MCM9: variants seen among roughly 807,000 people sequenced by gnomAD.
MCM9 encodes the protein minichromosome maintenance 9 homologous recombination repair factor, also known as DNA helicase MCM9.
In MCM9, 55 loss-of-function variants were observed where a neutral mutation model predicts 72.8. The observed-to-expected ratio is 0.76, with a 90% CI of 0.61 to 0.95. The LOEUF (loss-of-function observed/expected upper bound fraction) is 0.95. MCM9 is among the 40% of genes least tolerant of loss of function. The pLI is 0.00. For missense variants in MCM9, 1,279 were observed against 1,377.0 expected (o/e 0.93, Z 1.13); for synonymous variants, 480 against 503.4 (o/e 0.95, Z 0.62).
chr6:118,904,931 C>T (rs904628945), intron 8 of MCM9, among the ~76,000 whole-genome samples: 5 of 152,086 alleles, frequency 3.3e-5, no homozygotes, highest in African/African-American at 4.8e-5. Flanking sequence ...TCCACCTCCT[C>T]GGTTCAAGTG....
intron 8 of MCM9, among the ~76,000 whole-genome samples, chr6:118,860,904 C>A (rs1776858320): frequency 6.6e-6 from 1 of 152,166 alleles, no homozygotes; most frequent in African/African-American, 2.4e-5. Context: ...TGTCGCTTTG[C>A]CAGCTGGAAA....
intron 8 of MCM9, among the ~76,000 whole-genome samples, chr6:118,893,653 C>G (rs1443980765): frequency 7.9e-5 from 12 of 152,132 alleles, no homozygotes; most frequent in African/African-American, 2.9e-4. Context: ...TCCTTTCGAG[C>G]TGACATCGGT....
chr6:118,818,233 G>A (rs571297605), intron 13 of MCM9, among the ~76,000 whole-genome samples: 2 of 152,262 alleles, frequency 1.3e-5, no homozygotes, highest in African/African-American at 4.8e-5. Context: ...TACTGCCTAG[G>A]TTTTCTTCTA....
Position 118,814,875 on chromosome 6 carries a change from ACCTAGT to A in MCM9, c.3375_3380del (p.Glu1125_Gly1127delinsAsp), listed in dbSNP as rs1377627373. ...CCCAGTCACAATCAAATGCTTCATC[ACCTAGT>A]TCTGGTAAAGTGAAGAGGGATTCTT... On this transcript the variant is annotated inframe_deletion, in exon 14 of 14. Transcript: ENST00000619706. 3.2e-6 allele frequency: 5 copies of A among 1,541,272 alleles called. No individual in the cohort carries two copies. Among genetic ancestry groups the A allele is most frequent in the Admixed American group, 4.1e-5 (2 of 48,802 alleles).
At chr6:118,873,217 GGGAAAGGGAAGGGGAA>G (rs1777725775) in intron 8 of MCM9, among the ~76,000 whole-genome samples, 1 of 82,806 alleles carries the variant, frequency 1.2e-5, no homozygotes, top group Non-Finnish European at 2.5e-5. Context: ...GGGAGGGAAA[GGGAAAGGGAAGGGGAA>G]AGGGAAAGGG....
chr6:118,866,018 A>T (rs953769076), intron 8 of MCM9, among the ~76,000 whole-genome samples: 1 of 152,224 alleles, frequency 6.6e-6, no homozygotes, highest in Non-Finnish European at 1.5e-5. Context: ...ATGAAGATGG[A>T]AGTAATTGAA....
At chr6:118,858,254 G>A (rs1776688065) in intron 8 of MCM9, among the ~76,000 whole-genome samples, 1 of 152,086 alleles carries the variant, frequency 6.6e-6, no homozygotes, top group Non-Finnish European at 1.5e-5. Context: ...AGCTAAGGAA[G>A]AAAGAGCATA....
intron 8 of MCM9, among the ~76,000 whole-genome samples, chr6:118,878,670 A>G (rs915846713): frequency 2.0e-5 from 3 of 152,148 alleles, no homozygotes; most frequent in Non-Finnish European, 4.4e-5. Flanking sequence ...AAAGTTGGTA[A>G]TAACCCCCAA....
At chr6:118,931,303 C>T in intron 3 of MCM9, 117 bp downstream of exon 3, 1 of 878,814 alleles carries the variant, frequency 1.1e-6, no homozygotes, top group Non-Finnish European at 1.7e-6. Flanking sequence ...ATCAACTACA[C>T]AACAGATATA....
intron 12 of MCM9, 29 bp downstream of exon 12, chr6:118,826,753 T>C: frequency 1.3e-6 from 2 of 1,490,330 alleles, no homozygotes; most frequent in South Asian, 1.3e-5. Flanking sequence ...GTAATTAGGA[T>C]AAAAATTAGG....
At position 118,814,990 on chromosome 6, in the gene MCM9, G is replaced by A; in HGVS notation, c.3266C>T (p.Pro1089Leu). The A allele has an allele frequency of 6.4e-7, 1 of 1,550,512 alleles. No homozygotes were observed. The highest frequency in any genetic ancestry group is 8.7e-7 in the Non-Finnish European group (1 of 1,146,938). ...ACGCATTGGAGCTGTGGTTGTAGGA[G>A]GGGAGCTTGGGCCTCTCTCACCTCG... ...KNRGERGPSS[P>L]PTTTAPMRVS... Residue 1089 changes from proline to leucine, a missense_variant, in exon 14 of 14, where the codon CCT (proline) becomes CTT (leucine). Physicochemically the swap from Pro to Leu is moderately conservative, Grantham distance 98. Transcript: ENST00000619706.
intron 8 of MCM9, among the ~76,000 whole-genome samples, chr6:118,874,676 T>C (rs1014845960): frequency 5.9e-5 from 9 of 152,238 alleles, no homozygotes; most frequent in Non-Finnish European, 1.2e-4. Context: ...TAATCATCTA[T>C]GTAGGATGTC....
chr6:118,813,625 C>T lies in MCM9; in HGVS notation c.*1199G>A, dbSNP rs1337845619. 6.6e-6 allele frequency: 1 copy of T among 152,120 alleles called. No individual in the cohort carries two copies. The highest frequency in any genetic ancestry group is 1.5e-5 in the Non-Finnish European group (1 of 68,028). The allele number at this position is 152,120 out of a possible 1,614,324, so 9.4% of individuals were successfully genotyped here. On this transcript the variant is annotated 3_prime_UTR_variant, in exon 14 of 14. Transcript: ENST00000619706. Reference sequence around the variant, plus strand: ...TCCAAAAGTCCCTCTGACAATTAAACAATCAGTTTACAAATTCACACTTCA... The same window carrying T: ...TCCAAAAGTCCCTCTGACAATTAAATAATCAGTTTACAAATTCACACTTCA...
intron 8 of MCM9, among the ~76,000 whole-genome samples, chr6:118,874,695 CTG>C (rs1293215708): frequency 1.3e-5 from 2 of 152,166 alleles, no homozygotes; most frequent in Non-Finnish European, 2.9e-5. Context: ...TCTGAACAAA[CTG>C]AGAAAAAAAT....
intron 9 of MCM9, among the ~76,000 whole-genome samples, chr6:118,849,392 A>G (rs1776084439): frequency 1.3e-5 from 2 of 151,716 alleles, no homozygotes; most frequent in Non-Finnish European, 1.5e-5. Flanking sequence ...GTAAGTAAGG[A>G]TATAGAAGAC....
chr6:118,889,310 C>T (rs1778799461), intron 8 of MCM9, among the ~76,000 whole-genome samples: 2 of 152,130 alleles, frequency 1.3e-5, no homozygotes, highest in African/African-American at 4.8e-5. Flanking sequence ...GGCCTCCAAT[C>T]TCACAAAGCC....
intron 9 of MCM9, among the ~76,000 whole-genome samples, chr6:118,843,372 T>C (rs1562406840): frequency 6.6e-6 from 1 of 150,976 alleles, no homozygotes; most frequent in Non-Finnish European, 1.5e-5. Context: ...CTCACACCTG[T>C]AATCCCAGCA....
chr6:118,890,675 A>G (rs1778885461), intron 8 of MCM9, among the ~76,000 whole-genome samples: 2 of 152,186 alleles, frequency 1.3e-5, no homozygotes, highest in South Asian at 4.1e-4. Flanking sequence ...TTATTGTACA[A>G]TTTACTCCAT....
intron 8 of MCM9, among the ~76,000 whole-genome samples, chr6:118,866,074 C>G (rs1166892844): frequency 1.3e-5 from 2 of 152,234 alleles, no homozygotes; most frequent in African/African-American, 4.8e-5. Context: ...CTAAGATAAT[C>G]TGGCTCCTAA....
Sources: gnomAD v4.1 joint callset for allele counts (sites outside exome capture counted in the v4.1 genomes callset) on GRCh38, gnomAD v4.1.1 for gene constraint, MANE v1.5 for transcripts, NCBI Gene and HGNC (gene_info 2026-07-23, HGNC 2026-07-21) for gene names.